DNAH3: variants seen among roughly 807,000 people sequenced by gnomAD.
DNAH3 encodes axonemal beta dynein heavy chain 3.
A neutral mutation model predicts 432.5 loss-of-function variants in DNAH3; 332 were observed. The ratio of observed to expected loss-of-function variants is 0.77; its 90% CI spans 0.70 to 0.84. The LOEUF (loss-of-function observed/expected upper bound fraction) is 0.84. Ranked by LOEUF, DNAH3 falls within the 40% of genes least tolerant of loss-of-function variation. The pLI, the probability that DNAH3 is intolerant of heterozygous loss-of-function variation, is 0.00. For synonymous variants in DNAH3, 1,956 were observed against 1,900.2 expected (o/e 1.03, Z -0.76); for missense variants, 4,861 against 5,114.0 (o/e 0.95, Z 1.51).
intron 24 of DNAH3, among the ~76,000 whole-genome samples, chr16:21,066,860 A>G (rs2090570380): frequency 6.6e-6 from 1 of 152,222 alleles, no homozygotes. Context: ...ATTAATGTGT[A>G]CAACAAATAC....
chr16:20,954,784 G>T, intron 55 of DNAH3, 29 bp downstream of exon 55: 4 of 1,608,742 alleles, frequency 2.5e-6, no homozygotes, highest in Non-Finnish European at 3.4e-6. Context: ...CTTTCCCTCA[G>T]GCCACTCAGG....
At chr16:20,988,399 T>C (rs1253324494) in intron 44 of DNAH3, among the ~76,000 whole-genome samples, 2 of 152,178 alleles carry the variant, frequency 1.3e-5, no homozygotes, top group Non-Finnish European at 2.9e-5. Flanking sequence ...CATTATTATA[T>C]CATATCATGT....
At chr16:21,149,872 G>A (rs1299942758) in intron 1 of DNAH3, among the ~76,000 whole-genome samples, 1 of 152,170 alleles carries the variant, frequency 6.6e-6, no homozygotes, top group East Asian at 1.9e-4. Flanking sequence ...CACTTGTTCA[G>A]TCAAGGGCAT....
chr16:21,096,460 T>C (rs1206335437), intron 18 of DNAH3, among the ~76,000 whole-genome samples: 1 of 152,114 alleles, frequency 6.6e-6, no homozygotes, highest in African/African-American at 2.4e-5. Context: ...CCTCTGTTCT[T>C]CAACACCCTC....
chr16:20,977,479 C>A (rs2085648957), intron 50 of DNAH3, among the ~76,000 whole-genome samples: 2 of 148,424 alleles, frequency 1.3e-5, no homozygotes, highest in Non-Finnish European at 3.0e-5. Flanking sequence ...CATGATTCTG[C>A]CTTTTAAGGC....
At chr16:20,959,610 A>AACACACACACACACACACACACACAC (rs55757849) in intron 53 of DNAH3, among the ~76,000 whole-genome samples, 1 of 137,564 alleles carries the variant, frequency 7.3e-6, no homozygotes, top group Non-Finnish European at 1.6e-5. Flanking sequence ...TCTCTATTTA[A>AACACACACACACACACACACACACAC]ACACACACAC....
chr16:20,965,350 G>A, exon 53 of DNAH3: 1 of 1,563,080 alleles, frequency 6.4e-7, no homozygotes, highest in East Asian at 2.3e-5. Flanking sequence ...TTTGTCATAT[G>A]TCTTAAGACT....
At chr16:21,112,849 T>C (rs1347912977) in intron 12 of DNAH3, among the ~76,000 whole-genome samples, 3 of 152,186 alleles carry the variant, frequency 2.0e-5, no homozygotes, top group Non-Finnish European at 4.4e-5. Context: ...GCTTTAAAGT[T>C]TGACTGTCCC....
At chr16:21,120,881 T>C in intron 10 of DNAH3, 1 of 1,546,380 alleles carries the variant, frequency 6.5e-7, no homozygotes, top group South Asian at 1.1e-5. Context: ...TCATCCAAAT[T>C]ACAGGGTCTT....
intron 21 of DNAH3, among the ~76,000 whole-genome samples, chr16:21,074,557 T>C (rs1186009414): frequency 6.6e-6 from 1 of 151,512 alleles, no homozygotes; most frequent in Non-Finnish European, 1.5e-5. Flanking sequence ...CTACTGAAAA[T>C]ATAAAAATTA....
At chr16:21,126,577 C>A (rs749645811) in intron 8 of DNAH3, among the ~76,000 whole-genome samples, 1 of 152,162 alleles carries the variant, frequency 6.6e-6, no homozygotes, top group Non-Finnish European at 1.5e-5. Context: ...TCTGGACTAT[C>A]TGAATATAAG....
chr16:21,066,159 T>G (rs1203160518), intron 24 of DNAH3, among the ~76,000 whole-genome samples: 2 of 144,136 alleles, frequency 1.4e-5, no homozygotes, highest in Admixed American at 6.8e-5. Flanking sequence ...CATTTTTTGT[T>G]TTTTTTTTTG....
At chr16:21,031,744 C>T (rs183249865) in intron 36 of DNAH3, among the ~76,000 whole-genome samples, 2 of 152,296 alleles carry the variant, frequency 1.3e-5, no homozygotes, top group Admixed American at 1.3e-4. Context: ...TCCAGGACTA[C>T]TTGCTGGGCA....
rs555983378 is a variant in DNAH3 at position 20,966,014 on chromosome 16, A to ATTTTTTTTT, written c.8459-598_8459-590dup. ...AGGCCTGAGCCACCATGCCCAGCCAATTTTTTTTTTTTTTTTTTTTTTTTT... is the reference window on the plus strand; with the variant it reads ...AGGCCTGAGCCACCATGCCCAGCCAATTTTTTTTTTTTTTTTTTTTTTTTTTTTTTTTTT... On this transcript the variant is annotated intron_variant, in intron 52 of 61. Transcript: ENST00000261383. Among the ~76,000 whole-genome samples, 54 of 48,380 alleles carry ATTTTTTTTT rather than the reference A, an allele frequency of 1.1e-3. 2 individuals are homozygous for ATTTTTTTTT. Among genetic ancestry groups the ATTTTTTTTT allele is most frequent in the African/African-American group, 3.9e-3 (47 of 12,148 alleles). 31.7% of individuals were successfully genotyped at this position (48,380 alleles called of 152,430 possible).
Position 21,062,511 on chromosome 16 carries a change from T to C in DNAH3, c.3691A>G (p.Ile1231Val), listed in dbSNP as rs759817819. Residue 1231 changes from isoleucine to valine, a missense_variant, in exon 25 of 62, where the codon ATA becomes GTA. By Grantham distance (29) the Ile-to-Val change is conservative. Coordinates refer to ENST00000261383, the Ensembl canonical transcript of DNAH3. Reference sequence around the variant, plus strand: ...GCATTAGCTGGGTAGATTTTCTGTATGAATGGAACAGTTTCTTTTTCCGAG... The same window carrying C: ...GCATTAGCTGGGTAGATTTTCTGTACGAATGGAACAGTTTCTTTTTCCGAG... 9 of 1,614,204 alleles carry C rather than the reference T, an allele frequency of 5.6e-6. No homozygotes were observed. The South Asian group carries it at 9.9e-5, about 18-fold the overall frequency.
Position 21,020,348 on chromosome 16 carries a change from G to GTGTGTGTATATATATATATATATATA in DNAH3, c.5777-480_5777-479insTATATATATATATATATATACACACA. Among the ~76,000 whole-genome samples, 154 of 69,082 alleles carry GTGTGTGTATATATATATATATATATA rather than the reference G, an allele frequency of 2.2e-3. 2 individuals are homozygous for GTGTGTGTATATATATATATATATATA. Among genetic ancestry groups the GTGTGTGTATATATATATATATATATA allele is most frequent in the African/African-American group, 5.6e-3 (87 of 15,602 alleles). 45.3% of individuals were successfully genotyped at this position (69,082 alleles called of 152,430 possible). A position where few individuals can be genotyped will look rare whatever the true frequency, so the allele number is the denominator to read the frequency against. ...ACTGCTGTATAATAATATAGTGTGT[G>GTGTGTGTATATATATATATATATATA]TATATATATATATATATATAAAATC... On this transcript the variant is annotated intron_variant, in intron 40 of 61. Coordinates refer to ENST00000261383, the Ensembl canonical transcript of DNAH3.
intron 61 of DNAH3, among the ~76,000 whole-genome samples, chr16:20,933,772 C>G (rs2152563301): frequency 6.6e-6 from 1 of 152,366 alleles, no homozygotes; most frequent in Admixed American, 6.5e-5. Flanking sequence ...AACACATTAC[C>G]TCTAACTAGC....
At chr16:21,038,804 G>T (rs1314189113) in intron 33 of DNAH3, among the ~76,000 whole-genome samples, 2 of 152,142 alleles carry the variant, frequency 1.3e-5, no homozygotes, top group African/African-American at 2.4e-5. Context: ...TGCAATCCTG[G>T]TTACTATAGA....
At chr16:20,985,614 G>A (rs762439074) in exon 48 of DNAH3, 66 of 1,614,062 alleles carry the variant, frequency 4.1e-5, no homozygotes, top group Non-Finnish European at 3.7e-5. Context: ...TGATCTCATC[G>A]TAGATTTTTT....
Sources: gnomAD v4.1 joint callset for allele counts (sites outside exome capture counted in the v4.1 genomes callset) on GRCh38, gnomAD v4.1.1 for gene constraint, MANE v1.5 for transcripts, NCBI Gene and HGNC (gene_info 2026-07-23, HGNC 2026-07-21) for gene names.